The following ZNF804B variants were observed in gnomAD, a reference collection of about 807,000 sequenced individuals.
ZNF804B encodes the protein zinc finger 804B.
In ZNF804B, 80 loss-of-function variants were observed where a neutral mutation model predicts 101.4. The observed-to-expected ratio is 0.79, with a 90% CI of 0.66 to 0.95. The LOEUF is 0.95. Ranked by LOEUF, ZNF804B falls within the 40% of genes least tolerant of loss-of-function variation. The pLI is 0.00. For synonymous variants in ZNF804B, 622 were observed against 558.8 expected (o/e 1.11, Z -1.59); for missense variants, 1,673 against 1,561.9 (o/e 1.07, Z -1.20).
chr7:88,869,903 C>A (rs1791788860), intron 1 of ZNF804B, among the ~76,000 whole-genome samples: 1 of 152,210 alleles, frequency 6.6e-6, no homozygotes, highest in South Asian at 2.1e-4. Flanking sequence ...GAAGATGTAT[C>A]AGCCAGAGGT....
chr7:89,307,980 A>G (rs149680545), intron 2 of ZNF804B, among the ~76,000 whole-genome samples: 67 of 152,210 alleles, frequency 4.4e-4, no homozygotes, highest in African/African-American at 1.5e-3. Flanking sequence ...GCATATGACA[A>G]TAGTTTCCCA....
intron 1 of ZNF804B, among the ~76,000 whole-genome samples, chr7:89,149,629 A>G (rs1790841903): frequency 6.6e-6 from 1 of 152,042 alleles, no homozygotes; most frequent in South Asian, 2.1e-4. Context: ...AACTTGAGAT[A>G]AGAGTTTCAT....
At chr7:88,791,062 C>A (rs1383680070) in intron 1 of ZNF804B, among the ~76,000 whole-genome samples, 1 of 151,992 alleles carries the variant, frequency 6.6e-6, no homozygotes, top group East Asian at 1.9e-4. Flanking sequence ...GCAGATCTGT[C>A]TTTGAGAGTG....
chr7:89,192,835 G>A (rs1180547300), intron 1 of ZNF804B, among the ~76,000 whole-genome samples: 2 of 151,942 alleles, frequency 1.3e-5, no homozygotes, highest in East Asian at 3.9e-4. Context: ...CAGGATGCAA[G>A]GTTAGTTCAA....
intron 1 of ZNF804B, among the ~76,000 whole-genome samples, chr7:88,902,564 A>G (rs1412424338): frequency 5.3e-5 from 8 of 152,024 alleles, no homozygotes; most frequent in Non-Finnish European, 8.8e-5. Context: ...AGGCATTTTT[A>G]TGTTAAGCAA....
chr7:89,191,753 C>T (rs1319495127), intron 1 of ZNF804B, among the ~76,000 whole-genome samples: 1 of 151,960 alleles, frequency 6.6e-6, no homozygotes, highest in Non-Finnish European at 1.5e-5. Context: ...ACCACCAGGA[C>T]AAACAGCCTG....
chr7:88,837,229 A>C (rs974486143), intron 1 of ZNF804B, among the ~76,000 whole-genome samples: 2 of 151,930 alleles, frequency 1.3e-5, no homozygotes, highest in East Asian at 1.9e-4. Flanking sequence ...CTATATGGCA[A>C]ACATTTACTT....
intron 1 of ZNF804B, among the ~76,000 whole-genome samples, chr7:89,162,799 C>A (rs1384678965): frequency 9.9e-6 from 1 of 100,614 alleles, no homozygotes; most frequent in Admixed American, 1.2e-4. Flanking sequence ...TGCCATCCCT[C>A]CCCCCTCCCC....
intron 1 of ZNF804B, among the ~76,000 whole-genome samples, chr7:88,887,497 C>T (rs1341131661): frequency 1.3e-5 from 2 of 152,136 alleles, no homozygotes; most frequent in Non-Finnish European, 2.9e-5. Flanking sequence ...TATGGCTAGC[C>T]AGTTACCCCA....
At chr7:88,999,596 G>A (rs917565836) in intron 1 of ZNF804B, among the ~76,000 whole-genome samples, 41 of 151,852 alleles carry the variant, frequency 2.7e-4, no homozygotes, top group African/African-American at 9.7e-4. Context: ...GTTGCCTAAT[G>A]TCTCATGTAG....
chr7:89,129,668 A>G (rs538737256), intron 1 of ZNF804B, among the ~76,000 whole-genome samples: 3 of 152,108 alleles, frequency 2.0e-5, no homozygotes, highest in East Asian at 3.9e-4. Flanking sequence ...GAGGTAGAAT[A>G]CTATTATTTA....
intron 1 of ZNF804B, among the ~76,000 whole-genome samples, chr7:89,060,380 G>C (rs1449444343): frequency 6.6e-6 from 1 of 152,102 alleles, no homozygotes; most frequent in Non-Finnish European, 1.5e-5. Context: ...ATAAGTGAAG[G>C]AGTCTACTTA....
intron 1 of ZNF804B, among the ~76,000 whole-genome samples, chr7:89,185,895 A>G (rs1312537345): frequency 3.3e-5 from 5 of 152,086 alleles, no homozygotes; most frequent in African/African-American, 1.2e-4. Flanking sequence ...AAAAAAAGAA[A>G]AAAAAAAGAC....
At chr7:89,198,020 G>A (rs1371274023) in intron 1 of ZNF804B, among the ~76,000 whole-genome samples, 3 of 151,804 alleles carry the variant, frequency 2.0e-5, no homozygotes, top group Admixed American at 6.6e-5. Context: ...ACCTTAGAAT[G>A]TCCAAGTTTT....
chr7:89,168,682 CTTTTTTT>C (rs372503661), intron 1 of ZNF804B, among the ~76,000 whole-genome samples: 33 of 115,784 alleles, frequency 2.9e-4, no homozygotes, highest in East Asian at 5.8e-4. Flanking sequence ...GAGCTGAATA[CTTTTTTT>C]TTTTTTTTTT....
chr7:88,968,624 A>T (rs1793489940), intron 1 of ZNF804B, among the ~76,000 whole-genome samples: 1 of 151,680 alleles, frequency 6.6e-6, no homozygotes, highest in Non-Finnish European at 1.5e-5. Flanking sequence ...ACAATGAATG[A>T]ATGAATAAAT....
chr7:89,135,566 A>G (rs745924386), intron 1 of ZNF804B, among the ~76,000 whole-genome samples: 15 of 152,072 alleles, frequency 9.9e-5, no homozygotes, highest in Non-Finnish European at 1.3e-4. Context: ...GTTAGGTTGT[A>G]AATTTTTTTA....
At chr7:89,129,611 C>T (rs964446335) in intron 1 of ZNF804B, among the ~76,000 whole-genome samples, 1 of 152,008 alleles carries the variant, frequency 6.6e-6, no homozygotes, top group African/African-American at 2.4e-5. Context: ...ACATGCCAGG[C>T]ACTCTGCTAA....
At chr7:88,902,685 TTAAATA>T (rs1236938532) in intron 1 of ZNF804B, among the ~76,000 whole-genome samples, 1 of 152,062 alleles carries the variant, frequency 6.6e-6, no homozygotes, top group East Asian at 1.9e-4. Context: ...TCTTTCTACT[TTAAATA>T]TAATCAATTC....
Sources: gnomAD v4.1 joint callset for allele counts (sites outside exome capture counted in the v4.1 genomes callset) on GRCh38, gnomAD v4.1.1 for gene constraint, MANE v1.5 for transcripts, NCBI Gene and HGNC (gene_info 2026-07-23, HGNC 2026-07-21) for gene names.